The following SP1 variants were observed in gnomAD, a reference collection of about 807,000 sequenced individuals.
SP1 encodes the protein transcription factor Sp1.
A neutral mutation model predicts 66.3 loss-of-function variants in SP1; 6 were observed. The ratio of observed to expected loss-of-function variants is 0.09; its 90% CI spans 0.05 to 0.18. SP1 has a LOEUF of 0.18. Among genes scored for constraint, SP1 ranks in the 10% least tolerant of loss-of-function variants. SP1 has a pLI of 1.00. For missense variants in SP1, 848 were observed against 964.5 expected, an observed-to-expected ratio of 0.88 and a Z score of 1.60; for synonymous variants, 417 against 360.8, an observed-to-expected ratio of 1.16 and a Z score of -1.77.
Position 53,380,253 on chromosome 12 carries a change from C to CCCCCGCCG in SP1, c.-39_-38insCCCCGCCG. On this transcript the variant is annotated 5_prime_UTR_variant, in exon 1 of 6. Transcript: ENST00000327443. ...TTTTCCCGGCCCCCCCCAACCCCCC[C>CCCCCGCCG]GGACAGGACCCCCTTGAGCTTGTCC... 1.3e-6 allele frequency: 2 copies of CCCCCGCCG among 1,522,878 alleles called. No individual in the cohort carries two copies. Among genetic ancestry groups the CCCCCGCCG allele is most frequent in the Non-Finnish European group, 1.8e-6 (2 of 1,099,982 alleles). The allele number at this position is 1,522,878 out of a possible 1,614,324, so 94.3% of individuals were successfully genotyped here. A position where few individuals can be genotyped will look rare whatever the true frequency, so the allele number is the denominator to read the frequency against.
intron 3 of SP1, among the ~76,000 whole-genome samples, chr12:53,387,058 C>T (rs1011102726): frequency 5.4e-5 from 8 of 148,882 alleles, no homozygotes; most frequent in Non-Finnish European, 1.2e-4. Flanking sequence ...TCAAGCAATT[C>T]TTCTGCCTCA....
chr12:53,386,892 G>A lies in SP1; in HGVS notation c.1675+3270G>A, dbSNP rs554121950. Reference sequence around the variant, plus strand: ...TATGCTGGCACAATTATACAAATACGGAAAATAGTTTAATATCACCAAATA... The same window carrying A: ...TATGCTGGCACAATTATACAAATACAGAAAATAGTTTAATATCACCAAATA... On this transcript the variant is annotated intron_variant, in intron 3 of 5. Transcript: ENST00000327443. Among the ~76,000 whole-genome samples, 4 of 151,228 alleles carry A rather than the reference G, an allele frequency of 2.6e-5. No individual in the cohort carries two copies. In the East Asian group the frequency reaches 5.8e-4, roughly 22 times the overall value.
At position 53,381,634 on chromosome 12, in the gene SP1, GTTGT is replaced by G. The variant is rs773743138; in HGVS notation, c.8-18_8-15del. On this transcript the variant is annotated intron_variant, in intron 1 of 5. Coordinates refer to ENST00000327443, the MANE Select transcript of SP1 (RefSeq NM_138473.3). ...ATTTCTTTTCTTCCCTCAAGTTTAC[GTTGT>G]TTGTTTTTTAATTATTTTAGACCAA... is the stretch of plus-strand genomic sequence containing the variant. 4.3e-5 allele frequency: 68 copies of G among 1,578,886 alleles called. 1 individual carries two copies. In the Admixed American group the frequency reaches 7.9e-4, roughly 18 times the overall value.
At chr12:53,402,086 A>G (rs1056659944) in intron 3 of SP1, among the ~76,000 whole-genome samples, 2 of 152,196 alleles carry the variant, frequency 1.3e-5, no homozygotes, top group Non-Finnish European at 2.9e-5. Flanking sequence ...GAAAGGACTC[A>G]TATCTAAGTT....
rs1160180145 is a variant in SP1 at position 53,380,194 on chromosome 12, G to T, written c.-98G>T. On this transcript the variant is annotated 5_prime_UTR_variant, in exon 1 of 6. Coordinates refer to ENST00000327443, the MANE Select transcript of SP1 (RefSeq NM_138473.3). ...CCTCCTTACCCCCCCCTCCCTGTCC[G>T]GTCCGGGTTCGCTTGCCTCGTCAGC... 5 of 813,628 alleles carry T rather than the reference G, an allele frequency of 6.1e-6. No individual in the cohort carries two copies. The highest frequency in any genetic ancestry group is 2.7e-5 in the East Asian group (1 of 37,648). 50.4% of individuals were successfully genotyped at this position (813,628 alleles called of 1,614,324 possible).
Position 53,408,139 on chromosome 12 carries a change from G to C in SP1, c.1845-1223G>C, listed in dbSNP as rs558955183. Reference sequence around the variant, plus strand: ...CAGGTGCCTGTAATCCCAGCTACTTGGGAGGTTGAGGTAGGAGAATTGCTC... The same window carrying C: ...CAGGTGCCTGTAATCCCAGCTACTTCGGAGGTTGAGGTAGGAGAATTGCTC... On this transcript the variant is annotated intron_variant, in intron 4 of 5. Coordinates refer to ENST00000327443, the MANE Select transcript of SP1 (RefSeq NM_138473.3). 1.1e-4 allele frequency among the ~76,000 whole-genome samples: 16 copies of C among 144,520 alleles called. 1 individual carries two copies. The South Asian group carries it at 3.5e-3, about 32-fold the overall frequency. 94.8% of individuals were successfully genotyped at this position (144,520 alleles called of 152,430 possible).
rs746437524 is a variant in SP1 at position 53,381,783 on chromosome 12, C to G, written c.132C>G (p.Gly44=). 6.2e-7 allele frequency: 1 copy of G among 1,613,862 alleles called. No individual in the cohort carries two copies. The highest frequency in any genetic ancestry group is 1.7e-5 in the Admixed American group (1 of 59,960). ...AFSQARSSST[G]SSSSTGGGGQ... is the part of the protein sequence containing the mutation. ...CACAGGCTCGAAGTAGCAGCACAGG[C>G]AGTAGCAGCAGCACTGGAGGAGGAG... is the stretch of plus-strand genomic sequence containing the variant. Residue 44 remains glycine, a synonymous_variant, in exon 2 of 6, where the codon GGC becomes GGG. Transcript: ENST00000327443.
chr12:53,380,253 C>CCCCCCCCCGGCCCCCCGG lies in SP1; in HGVS notation c.-39_-38insCCCCCCCCGGCCCCCCGG. 6.6e-7 allele frequency: 1 copy of CCCCCCCCCGGCCCCCCGG among 1,522,880 alleles called. No homozygotes were observed. Among genetic ancestry groups the CCCCCCCCCGGCCCCCCGG allele is most frequent in the Non-Finnish European group, 9.1e-7 (1 of 1,099,984 alleles). 94.3% of individuals were successfully genotyped at this position (1,522,880 alleles called of 1,614,324 possible). On this transcript the variant is annotated 5_prime_UTR_variant, in exon 1 of 6. Transcript: ENST00000327443. Reference sequence around the variant, plus strand: ...TTTTCCCGGCCCCCCCCAACCCCCCCGGACAGGACCCCCTTGAGCTTGTCC... The same window carrying CCCCCCCCCGGCCCCCCGG: ...TTTTCCCGGCCCCCCCCAACCCCCCCCCCCCCCCGGCCCCCCGGGGACAGGACCCCCTTGAGCTTGTCC...
At position 53,415,063 on chromosome 12, in the gene SP1, T is replaced by A. The variant is rs137871028; in HGVS notation, c.*3823T>A. 6.6e-6 allele frequency: 1 copy of A among 152,572 alleles called. No individual in the cohort carries two copies. Among genetic ancestry groups the A allele is most frequent in the African/African-American group, 2.4e-5 (1 of 41,422 alleles). 9.5% of individuals were successfully genotyped at this position (152,572 alleles called of 1,614,324 possible). On this transcript the variant is annotated 3_prime_UTR_variant, in exon 6 of 6. Transcript: ENST00000327443. ...CCCTTAGAAGAGAGCCAGTAACTTA[T>A]GTACAAGGATGAAAGAAAGGTCGCA...
In SP1 at chr12:53,383,169, G is replaced by C; in HGVS notation, c.1222G>C (p.Gly408Arg). Residue 408 changes from glycine to arginine, a missense_variant, in exon 3 of 6, where the codon GGG becomes CGG. Physicochemically the swap from Gly to Arg is moderately radical, Grantham distance 125. Around this residue, in one of 7 missense-constraint regions of SP1, gnomAD observed 606 missense variants for 589.9 expected, o/e 1.03. Coordinates refer to ENST00000327443, the MANE Select transcript of SP1 (RefSeq NM_138473.3). ...TCTTATCCAGCCTCAGCTAGTTCAA[G>C]GGGGACAGGCCCTCCAGGCCCTCCA... ...QILIQPQLVQGGQALQALQAA... is the reference protein window; with the variant it reads ...QILIQPQLVQRGQALQALQAA... 6.2e-7 allele frequency: 1 copy of C among 1,614,224 alleles called. No homozygotes were observed. Among genetic ancestry groups the C allele is most frequent in the Non-Finnish European group, 8.5e-7 (1 of 1,180,054 alleles).
chr12:53,416,054 CT>C lies in SP1; in HGVS notation c.*4815del, dbSNP rs1157853051. 2.0e-5 allele frequency: 3 copies of C among 152,624 alleles called. No individual in the cohort carries two copies. The highest frequency in any genetic ancestry group is 4.4e-5 in the Non-Finnish European group (3 of 68,060). 9.5% of individuals were successfully genotyped at this position (152,624 alleles called of 1,614,324 possible). Reference sequence around the variant, plus strand: ...TGGGTGGTGCTCCAATCTCTGGTGCCTAAAAACCCAAGTTTATTTCTCTCTT... The same window carrying C: ...TGGGTGGTGCTCCAATCTCTGGTGCCAAAAACCCAAGTTTATTTCTCTCTT... On this transcript the variant is annotated 3_prime_UTR_variant, in exon 6 of 6. Coordinates refer to ENST00000327443, the MANE Select transcript of SP1 (RefSeq NM_138473.3).
At chr12:53,390,879 A>G (rs1938333749) in intron 3 of SP1, among the ~76,000 whole-genome samples, 1 of 152,178 alleles carries the variant, frequency 6.6e-6, no homozygotes, top group African/African-American at 2.4e-5. Flanking sequence ...CTTCTGTTTC[A>G]GAAACGTTTA....
chr12:53,386,940 G>GTT lies in SP1; in HGVS notation c.1675+3333_1675+3334dup, dbSNP rs34093285. 1.3e-3 allele frequency among the ~76,000 whole-genome samples: 166 copies of GTT among 123,356 alleles called. 4 individuals carry two copies. Among genetic ancestry groups the GTT allele is most frequent in the African/African-American group, 4.6e-3 (158 of 34,332 alleles). The allele number at this position is 123,356 out of a possible 152,430, so 80.9% of individuals were successfully genotyped here. On this transcript the variant is annotated intron_variant, in intron 3 of 5. Transcript: ENST00000327443. ...ATAATATCACCCAACTTCTAGGTTT[G>GTT]TTTTTTTTTTTTTTTTCGTTTTCTT...
rs1028657578 is a variant in SP1 at position 53,380,365 on chromosome 12, C to A, written c.7+67C>A. The A allele has an allele frequency of 2.1e-5, 27 of 1,306,806 alleles. No homozygotes were observed. The East Asian group carries it at 6.3e-4, about 30-fold the overall frequency. The allele number at this position is 1,306,806 out of a possible 1,614,324, so 81.0% of individuals were successfully genotyped here. On this transcript the variant is annotated intron_variant, in intron 1 of 5. Coordinates refer to ENST00000327443, the MANE Select transcript of SP1 (RefSeq NM_138473.3). ...TGAGGGGGCGCGCGCGAGGGCCGACCGGGCGATCCCCGCCGTGAAGCGGGG... is the reference window on the plus strand; with the variant it reads ...TGAGGGGGCGCGCGCGAGGGCCGACAGGGCGATCCCCGCCGTGAAGCGGGG...
intron 1 of SP1, chr12:53,380,771 C>T: frequency 5.4e-6 from 3 of 557,494 alleles, no homozygotes; most frequent in Non-Finnish European, 6.8e-6. Context: ...CCTTTCCACG[C>T]CCCTCACCCC....
At chr12:53,401,187 C>T (rs75790154) in intron 3 of SP1, among the ~76,000 whole-genome samples, 12 of 151,976 alleles carry the variant, frequency 7.9e-5, no homozygotes, top group African/African-American at 2.9e-4. Flanking sequence ...CACGGTGGCA[C>T]GTGCCGTAAT....
At chr12:53,409,275 G>A in intron 4 of SP1, 87 bp from the exon 5 acceptor site, 1 of 1,080,032 alleles carries the variant, frequency 9.3e-7, no homozygotes, top group South Asian at 1.5e-5. Flanking sequence ...GGTTAGTTTG[G>A]TGTCGATTGG....
Position 53,383,342 on chromosome 12 carries a change from G to T in SP1, c.1395G>T (p.Gln465His), listed in dbSNP as rs1489937965. ...TVGPNGQVSW[Q>H]TLQLQNLQVQ... The stretch of plus-strand genomic sequence containing the variant: ...GGCCCAATGGACAGGTCAGTTGGCA[G>T]ACTCTACAGCTGCAGAACCTCCAAG... Residue 465 changes from glutamine to histidine, a missense_variant, in exon 3 of 6, where the codon CAG becomes CAT. Transcript: ENST00000327443. 2 of 1,614,216 alleles carry T rather than the reference G, an allele frequency of 1.2e-6. No homozygotes were observed. Among genetic ancestry groups the T allele is most frequent in the African/African-American group, 1.3e-5 (1 of 75,058 alleles).
intron 4 of SP1, among the ~76,000 whole-genome samples, chr12:53,407,840 G>A (rs1414956943): frequency 6.7e-6 from 1 of 149,850 alleles, no homozygotes; most frequent in Non-Finnish European, 1.5e-5. Context: ...GTTTCACCGT[G>A]TTAGCCAGGG....
Sources: allele counts gnomAD v4.1 joint callset (sites outside exome capture counted in the v4.1 genomes callset), GRCh38; gene constraint gnomAD v4.1.1; regional missense constraint gnomAD v4.1.1; transcripts MANE v1.5; gene names NCBI Gene and HGNC (gene_info 2026-07-23, HGNC 2026-07-21).